Variants in DCAF6 observed in about 807,000 individuals in gnomAD.
The protein encoded by DCAF6 is DDB1 and CUL4 associated factor 6, also known as DDB1- and CUL4-associated factor 6.
In DCAF6, 54 loss-of-function variants were observed where a neutral mutation model predicts 125.1. That is an observed-to-expected ratio of 0.43 (90% CI 0.35 to 0.54). DCAF6 has a LOEUF of 0.54. DCAF6 is among the 20% of genes least tolerant of loss of function. The pLI, the probability that DCAF6 is intolerant of heterozygous loss-of-function variation, is 0.01. For synonymous variants in DCAF6, 371 were observed against 390.4 expected (o/e 0.95, Z 0.58); for missense variants, 934 against 1,161.7 (o/e 0.80, Z 2.85).
At chr1:167,905,047 C>G in the DCAF6 span, 9 of 1,614,196 alleles carry the variant, frequency 5.6e-6, no homozygotes, top group Non-Finnish European at 6.8e-6. Flanking sequence ...AAGGGTCGCT[C>G]TGGGGAGAAA....
Position 168,059,330 on chromosome 1 carries a change from A to G in DCAF6, c.2301-4291A>G, listed in dbSNP as rs868842982. ...TATGTCATATTACAAAGATTTATATAAAACAGATTTGTTTCTAGGCTCTTT... is the reference window on the plus strand; with the variant it reads ...TATGTCATATTACAAAGATTTATATGAAACAGATTTGTTTCTAGGCTCTTT... On this transcript the variant is annotated intron_variant, in intron 17 of 21. Transcript: ENST00000367840. 4.6e-5 allele frequency among the ~76,000 whole-genome samples: 7 copies of G among 152,222 alleles called. No individual in the cohort carries two copies. In the East Asian group the frequency reaches 1.3e-3, roughly 29 times the overall value.
At chr1:168,067,233 T>A (rs116045381) in intron 20 of DCAF6, among the ~76,000 whole-genome samples, 2 of 152,214 alleles carry the variant, frequency 1.3e-5, no homozygotes, top group Admixed American at 1.3e-4. Context: ...CTTTCACTCA[T>A]TGAATAGGCA....
chr1:168,055,049 A>T (rs1690457385), intron 17 of DCAF6, among the ~76,000 whole-genome samples: 1 of 152,184 alleles, frequency 6.6e-6, no homozygotes, highest in Non-Finnish European at 1.5e-5. Flanking sequence ...GGTATTCAGA[A>T]TTATAATGAG....
intron 18 of DCAF6, 195 bp downstream of exon 18, chr1:168,063,954 A>G: frequency 2.2e-6 from 1 of 455,256 alleles, no homozygotes; most frequent in Non-Finnish European, 3.6e-6. Flanking sequence ...TTACAAGAAA[A>G]CTCTACTAAA....
At chr1:168,035,719 A>G (rs1044507941) in intron 12 of DCAF6, among the ~76,000 whole-genome samples, 1 of 152,220 alleles carries the variant, frequency 6.6e-6, no homozygotes, top group Admixed American at 6.5e-5. Flanking sequence ...AATATTACCA[A>G]TATTTGACAT....
intron 2 of DCAF6, among the ~76,000 whole-genome samples, chr1:167,962,076 C>A (rs1422381140): frequency 1.3e-5 from 2 of 151,914 alleles, no homozygotes; most frequent in East Asian, 3.9e-4. Flanking sequence ...GATTTTTATT[C>A]TTTTAAATTT....
intron 16 of DCAF6, among the ~76,000 whole-genome samples, chr1:168,046,067 A>G (rs543020893): frequency 6.6e-6 from 1 of 152,248 alleles, no homozygotes; most frequent in East Asian, 1.9e-4. Flanking sequence ...ACTGAAAAAT[A>G]TAATGAAAGA....
At chr1:168,035,948 G>C (rs1200741722) in intron 12 of DCAF6, among the ~76,000 whole-genome samples, 1 of 152,090 alleles carries the variant, frequency 6.6e-6, no homozygotes, top group African/African-American at 2.4e-5. Context: ...TATAACCCCA[G>C]CTACTCTGGA....
chr1:168,020,811 TA>T (rs903027129), intron 11 of DCAF6, among the ~76,000 whole-genome samples: 1 of 152,082 alleles, frequency 6.6e-6, no homozygotes, highest in Non-Finnish European at 1.5e-5. Flanking sequence ...GAATAGTGGT[TA>T]AAAAAACATG....
chr1:167,982,969 T>C (rs1447451704), intron 4 of DCAF6, among the ~76,000 whole-genome samples: 1 of 152,154 alleles, frequency 6.6e-6, no homozygotes, highest in Non-Finnish European at 1.5e-5. Context: ...ATCAGATGAC[T>C]GTAGGTGTGT....
At chr1:168,026,563 T>G (rs1686367452) in intron 12 of DCAF6, among the ~76,000 whole-genome samples, 1 of 152,068 alleles carries the variant, frequency 6.6e-6, no homozygotes, top group African/African-American at 2.4e-5. Flanking sequence ...GTTGAAAGGT[T>G]GAATTCATGG....
At chr1:168,023,260 G>T in intron 12 of DCAF6, 1 of 564,146 alleles carries the variant, frequency 1.8e-6, no homozygotes, top group Non-Finnish European at 3.2e-6. Flanking sequence ...TCTCACTTTG[G>T]CCCTTGATGC....
At chr1:168,047,971 A>C (rs1176194455) in intron 16 of DCAF6, among the ~76,000 whole-genome samples, 1 of 152,144 alleles carries the variant, frequency 6.6e-6, no homozygotes, top group Non-Finnish European at 1.5e-5. Context: ...AGGGCTCTTC[A>C]TCATTGACAC....
intron 1 of DCAF6, among the ~76,000 whole-genome samples, chr1:167,941,357 AG>A (rs904607922): frequency 1.3e-5 from 2 of 152,362 alleles, no homozygotes; most frequent in East Asian, 3.9e-4. Flanking sequence ...TTCCTAAAAT[AG>A]GATGAATCAA....
intron 18 of DCAF6, 162 bp downstream of exon 18, chr1:168,063,921 A>G (rs1691943050): frequency 3.4e-6 from 2 of 588,626 alleles, no homozygotes; most frequent in Non-Finnish European, 5.4e-6. Flanking sequence ...GCCCTATAAT[A>G]TATTGTGAAA....
intron 4 of DCAF6, among the ~76,000 whole-genome samples, chr1:167,975,932 C>G (rs1181096923): frequency 6.6e-6 from 1 of 152,102 alleles, no homozygotes; most frequent in Non-Finnish European, 1.5e-5. Flanking sequence ...TTGTGTTAAA[C>G]TGGTATACTT....
chr1:167,958,033 C>T (rs540042454), intron 2 of DCAF6, among the ~76,000 whole-genome samples: 1 of 152,188 alleles, frequency 6.6e-6, no homozygotes, highest in Admixed American at 6.6e-5. Flanking sequence ...TTCTGGGACT[C>T]TTGTCATGGG....
intron 1 of DCAF6, among the ~76,000 whole-genome samples, chr1:167,942,290 C>A (rs1672370575): frequency 7.8e-6 from 1 of 127,632 alleles, no homozygotes; most frequent in African/African-American, 2.5e-5. Flanking sequence ...TCTCGAACTC[C>A]TGACCTCAGG....
In DCAF6 at chr1:167,981,713, A is replaced by G. The variant is rs1679185590; in HGVS notation, c.439-5782A>G. 2.0e-5 allele frequency among the ~76,000 whole-genome samples: 3 copies of G among 152,184 alleles called. No individual in the cohort carries two copies. In the South Asian group the frequency reaches 6.2e-4, roughly 32 times the overall value. On this transcript the variant is annotated intron_variant, in intron 4 of 21. Coordinates refer to ENST00000367840, the MANE Select transcript of DCAF6 (RefSeq NM_001198956.2). ...TAGTTGCTGCAAAGGACATGATTTCATTCATTTTTGTGGCTGCATAGTGTT... is the reference window on the plus strand; with the variant it reads ...TAGTTGCTGCAAAGGACATGATTTCGTTCATTTTTGTGGCTGCATAGTGTT...
Sources: gnomAD v4.1 joint callset for allele counts (sites outside exome capture counted in the v4.1 genomes callset) on GRCh38, gnomAD v4.1.1 for gene constraint, MANE v1.5 for transcripts, NCBI Gene and HGNC (gene_info 2026-07-23, HGNC 2026-07-21) for gene names.